Variants in ENPP3 observed in about 807,000 individuals in gnomAD.
The protein encoded by ENPP3 is ectonucleotide pyrophosphatase/phosphodiesterase 3, also known as ectonucleotide pyrophosphatase/phosphodiesterase family member 3.
ENPP3 carries 104 observed loss-of-function variants against 117.8 expected under a neutral mutation model. That is an observed-to-expected ratio of 0.88 (90% CI 0.75 to 1.04). ENPP3 has a LOEUF of 1.04. Among genes scored for constraint, ENPP3 ranks in the 50% least tolerant of loss-of-function variants. ENPP3 has a pLI of 0.00. For synonymous variants in ENPP3, 380 were observed against 349.9 expected (o/e 1.09, Z -0.96); for missense variants, 1,026 against 1,051.9 (o/e 0.98, Z 0.34).
chr6:131,740,183 G>T (rs752195378), intron 23 of ENPP3, 41 bp from the exon 24 acceptor site: 1 of 1,476,284 alleles, frequency 6.8e-7, no homozygotes, highest in Non-Finnish European at 9.1e-7. Context: ...AGAAACAAAA[G>T]TATAATAACA....
intron 15 of ENPP3, chr6:131,701,299 C>T (rs1779524121): frequency 6.4e-6 from 10 of 1,560,788 alleles, no homozygotes; most frequent in Non-Finnish European, 8.8e-6. Flanking sequence ...AGGGTGAAGA[C>T]GTAGAACAGG....
chr6:131,722,266 A>C lies in ENPP3; in HGVS notation c.1607A>C (p.His536Pro), dbSNP rs765317885. 1.2e-6 allele frequency: 2 copies of C among 1,614,076 alleles called. No homozygotes were observed. The highest frequency in any genetic ancestry group is 1.1e-5 in the South Asian group (1 of 91,058). ...RIQPAPNNGT[H>P]GSLNHLLKVP... is the part of the protein sequence containing the mutation. ...CAACCAGCACCAAACAATGGAACCC[A>C]TGGTAGTTTAAACCATCTTCTGAAG... is the stretch of plus-strand genomic sequence containing the variant. Residue 536 changes from histidine (H) to proline (P), a missense_variant, in exon 18 of 25, where the codon CAT becomes CCT. His to Pro is a moderately conservative substitution (Grantham distance 77, BLOSUM62 -2). Coordinates refer to ENST00000357639, the MANE Select transcript of ENPP3 (RefSeq NM_005021.5).
In ENPP3 at chr6:131,677,941, G is replaced by GT; in HGVS notation, c.1011+2dup. 1 of 1,581,174 alleles carries GT rather than the reference G, an allele frequency of 6.3e-7. No individual in the cohort carries two copies. Among genetic ancestry groups the GT allele is most frequent in the Non-Finnish European group, 8.7e-7 (1 of 1,154,412 alleles). The stretch of plus-strand genomic sequence containing the variant: ...TGCAGGTGGACCAGTCAGTGCCAGA[G>GT]TAAGTTGTTGTTTTCTTAAAAGAAA... On this transcript the variant is annotated splice_donor_variant, in intron 11 of 24. Transcript: ENST00000357639. LOFTEE classifies it high-confidence loss of function.
chr6:131,729,100 A>G (rs1208203535), intron 20 of ENPP3, among the ~76,000 whole-genome samples: 5 of 150,556 alleles, frequency 3.3e-5, no homozygotes, highest in Non-Finnish European at 4.4e-5. Flanking sequence ...CTATAGCTAT[A>G]TGTCTATCTA....
At chr6:131,710,352 GCT>G (rs1382753318) in intron 15 of ENPP3, 1 of 1,527,178 alleles carries the variant, frequency 6.5e-7, no homozygotes, top group African/African-American at 1.4e-5. Flanking sequence ...GCTGTTTATG[GCT>G]TGTCTGAAGT....
chr6:131,655,145 C>A (rs190806291), intron 5 of ENPP3, among the ~76,000 whole-genome samples: 1 of 152,310 alleles, frequency 6.6e-6, no homozygotes, highest in Admixed American at 6.5e-5. Context: ...TCTATAGTCA[C>A]TTGCTTTATT....
intron 6 of ENPP3, among the ~76,000 whole-genome samples, chr6:131,669,189 T>G (rs1381917058): frequency 6.6e-6 from 1 of 152,236 alleles, no homozygotes; most frequent in Non-Finnish European, 1.5e-5. Context: ...AGATCTTATT[T>G]TATTTTCTTG....
chr6:131,720,463 C>T (rs1779991232), intron 17 of ENPP3, 84 bp downstream of exon 17: 1 of 651,982 alleles, frequency 1.5e-6, no homozygotes, highest in Non-Finnish European at 2.6e-6. Flanking sequence ...AACTGAATCC[C>T]AGAGGCTGGA....
At chr6:131,678,958 T>TTTCTTTCC (rs780684077) in intron 11 of ENPP3, among the ~76,000 whole-genome samples, 465 of 82,652 alleles carry the variant, frequency 5.6e-3, no homozygotes, top group South Asian at 8.3e-3. Context: ...TCTTTCTTTC[T>TTTCTTTCC]TTCCTTCCTT....
intron 12 of ENPP3, among the ~76,000 whole-genome samples, chr6:131,684,809 G>A (rs1477127858): frequency 6.6e-6 from 1 of 151,882 alleles, no homozygotes; most frequent in Non-Finnish European, 1.5e-5. Context: ...TTTTGAGACA[G>A]AATTTTGTTC....
At chr6:131,729,463 G>A (rs532107094) in intron 20 of ENPP3, among the ~76,000 whole-genome samples, 1 of 152,300 alleles carries the variant, frequency 6.6e-6, no homozygotes, top group South Asian at 2.1e-4. Context: ...AGTACAAGCA[G>A]CTCACGTTCC....
At chr6:131,733,511 G>A in intron 20 of ENPP3, 77 bp from the exon 21 acceptor site, 1 of 1,465,298 alleles carries the variant, frequency 6.8e-7, no homozygotes, top group Middle Eastern at 2.2e-4. Context: ...AAACATTCTA[G>A]GGAAGTGACA....
At chr6:131,737,298 G>T (rs1357628307) in intron 21 of ENPP3, 57 bp from the exon 22 acceptor site, 23 of 996,812 alleles carry the variant, frequency 2.3e-5, no homozygotes, top group Non-Finnish European at 3.3e-5. Context: ...TGCCTGTTGT[G>T]CAGTATGTCA....
rs370009139 is a variant in ENPP3 at position 131,726,217 on chromosome 6, A to C, written c.1953+17A>C. On this transcript the variant is annotated intron_variant, in intron 20 of 24. Transcript: ENST00000357639. ...CCCCAGTTGGTAAGTTCCTGAGTCC[A>C]TTGATCCATGCAGGCAAGAAATATT... is the stretch of plus-strand genomic sequence containing the variant. 3.7e-6 allele frequency: 6 copies of C among 1,608,884 alleles called. No homozygotes were observed. The highest frequency in any genetic ancestry group is 5.1e-6 in the Non-Finnish European group (6 of 1,176,280).
chr6:131,723,410 C>A (rs1256213317), intron 18 of ENPP3, among the ~76,000 whole-genome samples: 1 of 152,088 alleles, frequency 6.6e-6, no homozygotes, highest in Non-Finnish European at 1.5e-5. Flanking sequence ...AATCAAACTG[C>A]CATTAAAAAA....
At chr6:131,715,740 C>T (rs1190184507) in intron 15 of ENPP3, among the ~76,000 whole-genome samples, 1 of 152,210 alleles carries the variant, frequency 6.6e-6, no homozygotes, top group Admixed American at 6.5e-5. Context: ...CCAACTTCCA[C>T]GCCGAGGCAC....
chr6:131,689,069 G>C (rs1406739648), intron 14 of ENPP3, among the ~76,000 whole-genome samples: 1 of 151,766 alleles, frequency 6.6e-6, no homozygotes, highest in East Asian at 1.9e-4. Context: ...CTATTTAAAA[G>C]AGAGAGAGAG....
intron 6 of ENPP3, among the ~76,000 whole-genome samples, chr6:131,659,294 AT>A (rs72017051): frequency 2.7e-3 from 401 of 151,240 alleles, no homozygotes; most frequent in African/African-American, 7.2e-3. Context: ...TTTAATAATA[AT>A]TTTTTTTTAA....
Position 131,724,029 on chromosome 6 carries a change from T to G in ENPP3, c.1747-11T>G. On this transcript the variant is annotated splice_polypyrimidine_tract_variant and intron_variant, in intron 18 of 24. Transcript: ENST00000357639. The stretch of plus-strand genomic sequence containing the variant: ...ATTTCCTCCCCTTTCCCATCCCTCA[T>G]TATCTTGCAGAGTACTCAGCTGGAA... The G allele has an allele frequency of 6.2e-7, 1 of 1,605,200 alleles. No individual in the cohort carries two copies.
Sources: gnomAD v4.1 joint callset for allele counts (sites outside exome capture counted in the v4.1 genomes callset) on GRCh38, gnomAD v4.1.1 for gene constraint, MANE v1.5 for transcripts, NCBI Gene and HGNC (gene_info 2026-07-23, HGNC 2026-07-21) for gene names.